AGO1: variants seen among roughly 807,000 people sequenced by gnomAD.
AGO1 encodes argonaute RISC component 1.
AGO1 carries 11 observed loss-of-function variants against 109.2 expected under a neutral mutation model. That is an observed-to-expected ratio of 0.10 (90% CI 0.06 to 0.17). The LOEUF (loss-of-function observed/expected upper bound fraction) is 0.17, where lower values mean the gene tolerates loss of function less well. Among genes scored for constraint, AGO1 ranks in the 10% least tolerant of loss-of-function variants. AGO1 has a pLI of 1.00. For synonymous variants in AGO1, 422 were observed against 418.6 expected (o/e 1.01, Z -0.10); for missense variants, 574 against 1,140.3 (o/e 0.50, Z 7.15).
rs1645164629 is a variant in AGO1, at chr1:35,888,850, A to T, written c.209+240A>T. On this transcript the variant is annotated intron_variant, in intron 2 of 18. Coordinates refer to ENST00000373204, the MANE Select transcript of AGO1 (RefSeq NM_012199.5). This position sits in a 1 kb window ranked among gnomAD's most constrained non-coding sequence, Gnocchi z 4.1. ...GAAAGTAGTTGAGCTAGTTAATCTA[A>T]CTACATTGAGTTAAGAAATAAGTAC... 6.6e-6 allele frequency among the ~76,000 whole-genome samples: 1 copy of T among 152,276 alleles called. No individual in the cohort carries two copies. The highest frequency in any genetic ancestry group is 2.1e-4 in the South Asian group (1 of 4,834).
In AGO1 at chr1:35,895,390, G is replaced by A. The variant is rs1364836021; in HGVS notation, c.1020+121G>A. On this transcript the variant is annotated intron_variant, in intron 8 of 18. Coordinates refer to ENST00000373204, the MANE Select transcript of AGO1 (RefSeq NM_012199.5). ...TGACATTCTGAGAAGGTATGAGGTA[G>A]TTCTCCTGTGAAATAGAGGCCTCAT... The A allele has an allele frequency of 3.5e-6, 4 of 1,135,006 alleles. No homozygotes were observed. In the African/African-American group the frequency reaches 6.4e-5, roughly 18 times the overall value. 70.3% of individuals were successfully genotyped at this position (1,135,006 alleles called of 1,614,324 possible). A position where few individuals can be genotyped will look rare whatever the true frequency, so the allele number is the denominator to read the frequency against.
At chr1:35,916,471 G>A (rs1408777877) in intron 15 of AGO1, among the ~76,000 whole-genome samples, 2 of 152,068 alleles carry the variant, frequency 1.3e-5, no homozygotes, top group African/African-American at 4.8e-5. Context: ...GGGCTCAAGC[G>A]ATTCTCTTTC....
At chr1:35,872,797 T>C (rs1261931100) in intron 1 of AGO1, among the ~76,000 whole-genome samples, 2 of 152,154 alleles carry the variant, frequency 1.3e-5, no homozygotes, top group Non-Finnish European at 2.9e-5. Context: ...AGTCTTGAAC[T>C]CTGGGCCTCA....
Position 35,893,745 on chromosome 1 carries a change from A to G in AGO1, c.584A>G (p.Glu195Gly), listed in dbSNP as rs780934730. The G allele has an allele frequency of 6.2e-7, 1 of 1,613,910 alleles. No homozygotes were observed. Residue 195 changes from glutamate to glycine, a missense_variant, in exon 5 of 19, where the codon GAG becomes GGG. Physicochemically the swap from Glu to Gly is moderately conservative, Grantham distance 98. Around this residue, in one of 8 missense-constraint regions of AGO1, gnomAD observed 129 missense variants for 243.0 expected, o/e 0.53. Transcript: ENST00000373204. The surrounding 1 kb of genome is among the most constrained non-coding windows in gnomAD (Gnocchi z 5.6). ...TACCACCCGCTGGGGGGTGGGCGCGAGGTCTGGTTCGGCTTTCACCAGTCT... is the reference window on the plus strand; with the variant it reads ...TACCACCCGCTGGGGGGTGGGCGCGGGGTCTGGTTCGGCTTTCACCAGTCT... ...GYYHPLGGGREVWFGFHQSVR... is the reference protein window; with the variant it reads ...GYYHPLGGGRGVWFGFHQSVR...
intron 1 of AGO1, among the ~76,000 whole-genome samples, chr1:35,875,250 A>C (rs1644983660): frequency 6.6e-6 from 1 of 152,218 alleles, no homozygotes; most frequent in African/African-American, 2.4e-5. Flanking sequence ...ATTAGGGTCT[A>C]ATGTAGCTGG....
At chr1:35,870,290 G>GT (rs561326184) in intron 1 of AGO1, among the ~76,000 whole-genome samples, 389 of 144,824 alleles carry the variant, frequency 2.7e-3, no homozygotes, top group South Asian at 5.1e-3. Flanking sequence ...GTTGTTTTTT[G>GT]TTTTTTTTTT....
At chr1:35,914,717 G>T (rs1207113339) in intron 14 of AGO1, among the ~76,000 whole-genome samples, 2 of 152,078 alleles carry the variant, frequency 1.3e-5, no homozygotes, top group Non-Finnish European at 2.9e-5. Context: ...TCTCTTAGGG[G>T]CTTCCAAATT....
At position 35,923,902 on chromosome 1, in the gene AGO1, G is replaced by C. The variant is rs1645877886; in HGVS notation, c.*4295G>C. ...AGTAAAGACATTTGTTGAATGCACT[G>C]AGTCCCTTGGTGTAGTAGCAATAAG... On this transcript the variant is annotated 3_prime_UTR_variant, in exon 19 of 19. Transcript: ENST00000373204. 1 of 152,650 alleles carries C rather than the reference G, an allele frequency of 6.6e-6. No homozygotes were observed. The highest frequency in any genetic ancestry group is 1.5e-5 in the Non-Finnish European group (1 of 68,040). 9.5% of individuals were successfully genotyped at this position (152,650 alleles called of 1,614,324 possible). A position where few individuals can be genotyped will look rare whatever the true frequency, so the allele number is the denominator to read the frequency against.
At position 35,888,779 on chromosome 1, in the gene AGO1, C is replaced by A. The variant is rs772126485; in HGVS notation, c.209+169C>A. 1.3e-5 allele frequency among the ~76,000 whole-genome samples: 2 copies of A among 152,156 alleles called. No individual in the cohort carries two copies. Among genetic ancestry groups the A allele is most frequent in the Non-Finnish European group, 2.9e-5 (2 of 68,034 alleles). ...GCTGAAAAATAGTCCAATTGGACTT[C>A]GCTATTGGAAGATTATTAGTGGCTT... On this transcript the variant is annotated intron_variant, in intron 2 of 18. Coordinates refer to ENST00000373204, the MANE Select transcript of AGO1 (RefSeq NM_012199.5). The surrounding 1 kb of genome is among the most constrained non-coding windows in gnomAD (Gnocchi z 4.1).
Position 35,923,316 on chromosome 1 carries a change from C to G in AGO1, c.*3709C>G, listed in dbSNP as rs1472999025. 3.3e-5 allele frequency: 5 copies of G among 152,164 alleles called. No individual in the cohort carries two copies. Among genetic ancestry groups the G allele is most frequent in the Non-Finnish European group, 7.3e-5 (5 of 68,048 alleles). 9.4% of individuals were successfully genotyped at this position (152,164 alleles called of 1,614,324 possible). ...TTTCTGTTTGTGAATAAGGCCAGCACTCAAGATGGGCAGCCAAGGGTGCAC... is the reference window on the plus strand; with the variant it reads ...TTTCTGTTTGTGAATAAGGCCAGCAGTCAAGATGGGCAGCCAAGGGTGCAC... On this transcript the variant is annotated 3_prime_UTR_variant, in exon 19 of 19. Transcript: ENST00000373204.
At chr1:35,909,516 T>G (rs1645594376) in intron 12 of AGO1, among the ~76,000 whole-genome samples, 1 of 152,212 alleles carries the variant, frequency 6.6e-6, no homozygotes, top group Admixed American at 6.5e-5. Context: ...GCCCGGAGTA[T>G]CTGCATCCTC....
intron 16 of AGO1, 141 bp downstream of exon 16, chr1:35,917,868 TG>T: frequency 8.1e-7 from 1 of 1,231,226 alleles, no homozygotes. Flanking sequence ...CTAGCTCTTG[TG>T]GTCCTTCCTC....
chr1:35,893,678 A>G lies in AGO1; in HGVS notation c.517A>G (p.Thr173Ala), dbSNP rs757928895. The G allele has an allele frequency of 6.2e-7, 1 of 1,611,478 alleles. No individual in the cohort carries two copies. The highest frequency in any genetic ancestry group is 1.1e-5 in the South Asian group (1 of 90,862). ...AMRHLASMRYTPVGRSFFSPP... is the reference protein window; with the variant it reads ...AMRHLASMRYAPVGRSFFSPP... ...TTCTCTGCCTGTCCCTGCCAGGTAC[A>G]CCCCTGTGGGCCGCTCCTTCTTCTC... is the stretch of plus-strand genomic sequence containing the variant. The change falls in exon 5 of 19, where the codon ACC becomes GCC. Residue 173 changes from threonine (T) to alanine (A), a missense_variant. This residue lies in a region of AGO1 where 129 missense variants were observed against 243.0 expected (regional missense o/e 0.53). Transcript: ENST00000373204. The surrounding 1 kb of genome is among the most constrained non-coding windows in gnomAD (Gnocchi z 5.6).
chr1:35,908,449 C>T (rs758941267), intron 12 of AGO1, among the ~76,000 whole-genome samples: 2 of 152,198 alleles, frequency 1.3e-5, no homozygotes, highest in Non-Finnish European at 2.9e-5. Context: ...AATCTTGATT[C>T]AATCCTTGAA....
intron 12 of AGO1, among the ~76,000 whole-genome samples, chr1:35,912,313 C>T (rs530680343): frequency 1.5e-5 from 2 of 132,680 alleles, no homozygotes; most frequent in African/African-American, 2.8e-5. Context: ...GAGCCGAGAT[C>T]GTGCCACTGC....
chr1:35,901,983 C>G lies in AGO1; in HGVS notation c.1176C>G (p.Ile392Met). 1.9e-6 allele frequency: 3 copies of G among 1,609,326 alleles called. No homozygotes were observed. The highest frequency in any genetic ancestry group is 2.5e-6 in the Non-Finnish European group (3 of 1,177,732). The change falls in exon 10 of 19, where the codon ATC becomes ATG. Residue 392 changes from isoleucine to methionine, a missense_variant. Ile to Met is a conservative substitution (Grantham distance 10). This residue lies in a region of AGO1 where 106 missense variants were observed against 147.8 expected (regional missense o/e 0.72). Coordinates refer to ENST00000373204, the MANE Select transcript of AGO1 (RefSeq NM_012199.5). This position sits in a 1 kb window ranked among gnomAD's most constrained non-coding sequence, Gnocchi z 4.8. ...CCAGCTACAACTTAGATCCCTACAT[C>G]CAGGAATTTGGGATCAAAGTGAAGG... ...KNASYNLDPY[I>M]QEFGIKVKDD...
chr1:35,910,441 C>T (rs531160496), intron 12 of AGO1, among the ~76,000 whole-genome samples: 2 of 152,030 alleles, frequency 1.3e-5, no homozygotes, highest in Non-Finnish European at 2.9e-5. Flanking sequence ...AGAAATCTTA[C>T]ATGTTTAGCT....
At chr1:35,871,121 A>T (rs76379471) in intron 1 of AGO1, among the ~76,000 whole-genome samples, 2 of 152,180 alleles carry the variant, frequency 1.3e-5, no homozygotes, top group African/African-American at 4.8e-5. Flanking sequence ...CACGTCTTCA[A>T]CTTTACCAAA....
At position 35,913,918 on chromosome 1, in the gene AGO1, C is replaced by T. The variant is rs1645687499; in HGVS notation, c.1659C>T (p.Thr553=). The change falls in exon 13 of 19, where the codon ACC becomes ACT. Residue 553 remains threonine, a synonymous_variant. Coordinates refer to ENST00000373204, the MANE Select transcript of AGO1 (RefSeq NM_012199.5). ...TGCAGGTGAAGAACGTGGTCAAGACCTCACCTCAGACTCTGTCCAACCTCT... is the reference window on the plus strand; with the variant it reads ...TGCAGGTGAAGAACGTGGTCAAGACTTCACCTCAGACTCTGTCCAACCTCT... ...QCVQVKNVVK[T]SPQTLSNLCL... 1.9e-6 allele frequency: 3 copies of T among 1,614,080 alleles called. No homozygotes were observed. The highest frequency in any genetic ancestry group is 2.5e-6 in the Non-Finnish European group (3 of 1,180,012).
Sources: allele counts gnomAD v4.1 joint callset (sites outside exome capture counted in the v4.1 genomes callset), GRCh38; gene constraint gnomAD v4.1.1; regional missense constraint gnomAD v4.1.1; non-coding constraint Gnocchi (gnomAD v3.1); transcripts MANE v1.5; gene names NCBI Gene and HGNC (gene_info 2026-07-23, HGNC 2026-07-21).